LDLRAD4: variants seen among roughly 807,000 people sequenced by gnomAD.
LDLRAD4 encodes low density lipoprotein receptor class A domain containing 4, also known as low-density lipoprotein receptor class A domain-containing protein 4.
LDLRAD4 carries 5 observed loss-of-function variants against 17.0 expected under a neutral mutation model. The ratio of observed to expected loss-of-function variants is 0.29; its 90% confidence interval spans 0.15 to 0.62. The LOEUF is 0.62. LDLRAD4 is among the 20% of genes least tolerant of loss of function. The probability of loss-of-function intolerance (pLI) is 0.84; values close to 1 mark genes in which losing one functional copy is unlikely to be tolerated. For synonymous variants in LDLRAD4, 168 were observed against 171.8 expected (o/e 0.98, Z 0.17); for missense variants, 340 against 424.7 (o/e 0.80, Z 1.75).
At chr18:13,293,654 T>A (rs532295943) in intron 1 of LDLRAD4, among the ~76,000 whole-genome samples, 1 of 152,340 alleles carries the variant, frequency 6.6e-6, no homozygotes, top group South Asian at 2.1e-4. Context: ...TTTAGAATAC[T>A]TTTCTCTTTT....
intron 2 of LDLRAD4, among the ~76,000 whole-genome samples, chr18:13,399,113 C>G (rs2086942962): frequency 6.6e-6 from 1 of 151,952 alleles, no homozygotes; most frequent in Non-Finnish European, 1.5e-5. Flanking sequence ...ACTCAGGAGG[C>G]TTGAGCCTTG....
intron 1 of LDLRAD4, among the ~76,000 whole-genome samples, chr18:13,238,260 T>C (rs75155099): frequency 0.043 from 6,532 of 152,300 alleles, 401 homozygotes; most frequent in East Asian, 0.33. Flanking sequence ...GCTCGATGAC[T>C]GGTCGTGGTT....
intron 4 of LDLRAD4, among the ~76,000 whole-genome samples, chr18:13,633,289 T>A (rs1472973806): frequency 6.6e-6 from 1 of 152,220 alleles, no homozygotes; most frequent in Non-Finnish European, 1.5e-5. Context: ...AGAAAAAGCA[T>A]CCTAAGTTCT....
In LDLRAD4 at chr18:13,481,530, C is replaced by T. The variant is rs765524641; in HGVS notation, c.181+43146C>T. 2.0e-5 allele frequency among the ~76,000 whole-genome samples: 3 copies of T among 152,182 alleles called. No individual in the cohort carries two copies. In the East Asian group the frequency reaches 5.8e-4, roughly 29 times the overall value. ...TGCTGGGAAGACTTCTGGTGGCCCT[C>T]GAGCTGTGACCACCACCCAAGACTG... On this transcript the variant is annotated intron_variant, in intron 3 of 5. Transcript: ENST00000359446.
rs2082697210 is a variant in LDLRAD4 at position 13,346,505 on chromosome 18, T to C, written c.-382-40836T>C. ...GAGTGCTTTATTTCCAACTATGTGG[T>C]CAATTTTGGAATAGGTGTGGTGTGG... On this transcript the variant is annotated intron_variant, in intron 1 of 5. Transcript: ENST00000359446. 3.9e-5 allele frequency among the ~76,000 whole-genome samples: 6 copies of C among 152,314 alleles called. No homozygotes were observed. The South Asian group carries it at 1.2e-3, about 32-fold the overall frequency.
intron 1 of LDLRAD4, among the ~76,000 whole-genome samples, chr18:13,327,799 C>T (rs2081613859): frequency 6.6e-6 from 1 of 152,148 alleles, no homozygotes; most frequent in Non-Finnish European, 1.5e-5. Context: ...TCTTCCTGCT[C>T]AGGGCCTTGC....
intron 1 of LDLRAD4, among the ~76,000 whole-genome samples, chr18:13,284,186 A>G (rs2045470124): frequency 6.6e-6 from 1 of 152,192 alleles, no homozygotes; most frequent in South Asian, 2.1e-4. Flanking sequence ...GCCCTTGTTC[A>G]TAGTTTGGAT....
chr18:13,431,608 T>C (rs1029100873), intron 2 of LDLRAD4, among the ~76,000 whole-genome samples: 9 of 152,208 alleles, frequency 5.9e-5, no homozygotes, highest in Non-Finnish European at 1.2e-4. Flanking sequence ...ATGGTTCTCA[T>C]AGAATTTGAG....
chr18:13,509,111 T>C (rs1204683025), intron 3 of LDLRAD4, among the ~76,000 whole-genome samples: 1 of 152,158 alleles, frequency 6.6e-6, no homozygotes, highest in Non-Finnish European at 1.5e-5. Flanking sequence ...AAGACTAGCC[T>C]TTGGCAACAC....
intron 1 of LDLRAD4, among the ~76,000 whole-genome samples, chr18:13,310,954 C>T (rs769313804): frequency 2.0e-5 from 3 of 152,188 alleles, no homozygotes; most frequent in Non-Finnish European, 2.9e-5. Context: ...CATCCGCTAG[C>T]ATTTCTGTAG....
intron 2 of LDLRAD4, among the ~76,000 whole-genome samples, chr18:13,418,550 C>T (rs1170968924): frequency 6.6e-6 from 1 of 152,232 alleles, no homozygotes; most frequent in East Asian, 1.9e-4. Flanking sequence ...ATTGCAGGCC[C>T]TGTTGCTGTA....
chr18:13,274,074 C>G (rs1336216203), upstream of LDLRAD4, among the ~76,000 whole-genome samples: 1 of 152,180 alleles, frequency 6.6e-6, no homozygotes, highest in Non-Finnish European at 1.5e-5. Flanking sequence ...CTCTCCTCAG[C>G]GAGCGGCTGT....
chr18:13,425,482 T>TTTAGCTCAGCTTTAGC (rs1159070060), intron 2 of LDLRAD4, among the ~76,000 whole-genome samples: 4 of 152,206 alleles, frequency 2.6e-5, no homozygotes, highest in Non-Finnish European at 5.9e-5. Flanking sequence ...TGGAGCAGAA[T>TTTAGCTCAGCTTTAGC]TAAAGCTCAG....
chr18:13,501,634 C>A (rs1171994115), intron 3 of LDLRAD4, among the ~76,000 whole-genome samples: 1 of 151,624 alleles, frequency 6.6e-6, no homozygotes, highest in Non-Finnish European at 1.5e-5. Flanking sequence ...AGTCTGCCAG[C>A]CAGGTGGGTG....
chr18:13,220,408 C>T (rs2041382582), intron 1 of LDLRAD4, among the ~76,000 whole-genome samples: 1 of 152,216 alleles, frequency 6.6e-6, no homozygotes, highest in Admixed American at 6.5e-5. Context: ...AGACTCTTCC[C>T]GGCAGGTTTT....
At chr18:13,465,046 G>T (rs543113237) in intron 3 of LDLRAD4, 9 of 152,238 alleles carry the variant, frequency 5.9e-5, no homozygotes, top group Non-Finnish European at 1.0e-4. Flanking sequence ...AAACGATGGC[G>T]CGAGGCCGCA....
At chr18:13,501,734 C>T (rs773219696) in intron 3 of LDLRAD4, among the ~76,000 whole-genome samples, 4 of 152,044 alleles carry the variant, frequency 2.6e-5, no homozygotes, top group Non-Finnish European at 5.9e-5. Context: ...GCCTGACACT[C>T]GCTCACACAC....
chr18:13,633,277 C>T (rs1040467108), intron 4 of LDLRAD4, among the ~76,000 whole-genome samples: 1 of 152,204 alleles, frequency 6.6e-6, no homozygotes, highest in Non-Finnish European at 1.5e-5. Context: ...ACAGGCAGGC[C>T]CAGAAAAAGC....
chr18:13,591,517 A>G (rs908603865), intron 3 of LDLRAD4, among the ~76,000 whole-genome samples: 102 of 152,176 alleles, frequency 6.7e-4, no homozygotes, highest in African/African-American at 2.4e-3. Context: ...TTAAAAATAA[A>G]GAAAACAATC....
Sources: gnomAD v4.1 joint callset for allele counts (sites outside exome capture counted in the v4.1 genomes callset) on GRCh38, gnomAD v4.1.1 for gene constraint, MANE v1.5 for transcripts, NCBI Gene and HGNC (gene_info 2026-07-23, HGNC 2026-07-21) for gene names.